The following ABCA1 variants were observed in gnomAD, a reference collection of about 807,000 sequenced individuals.
The protein encoded by ABCA1 is ATP binding cassette subfamily A member 1.
ABCA1 carries 133 observed loss-of-function variants against 262.5 expected under a neutral mutation model. That is an observed-to-expected ratio of 0.51 (90% confidence interval 0.44 to 0.59). The LOEUF (loss-of-function observed/expected upper bound fraction) is 0.59. Among genes scored for constraint, ABCA1 ranks in the 20% least tolerant of loss-of-function variants. The probability of loss-of-function intolerance (pLI) is 0.00; values close to 1 mark genes in which losing one functional copy is unlikely to be tolerated. For missense variants in ABCA1, 2,452 were observed against 2,777.5 expected (o/e 0.88, Z 2.63); for synonymous variants, 1,022 against 1,043.5 (o/e 0.98, Z 0.40).
At chr9:104,903,804 C>T in intron 1 of ABCA1, 33 bp from the exon 2 acceptor site, 1 of 896,318 alleles carries the variant, frequency 1.1e-6, no homozygotes, top group Admixed American at 2.0e-5. Flanking sequence ...AAACAGCCAT[C>T]AGTTATTGCT....
Position 104,809,457 on chromosome 9 carries a change from G to A in ABCA1, c.4274+9C>T. 1 of 1,613,790 alleles carries A rather than the reference G, an allele frequency of 6.2e-7. No individual in the cohort carries two copies. The highest frequency in any genetic ancestry group is 8.5e-7 in the Non-Finnish European group (1 of 1,179,680). Reference sequence around the variant, plus strand: ...CAAGAAGCCTGCTTATGGCTAAAGTGGCACTCACGGGATTGGGTTTCCTTC... The same window carrying A: ...CAAGAAGCCTGCTTATGGCTAAAGTAGCACTCACGGGATTGGGTTTCCTTC... On this transcript the variant is annotated intron_variant, in intron 30 of 49. Transcript: ENST00000374736.
chr9:104,903,868 C>T (rs1472497061), intron 1 of ABCA1, 97 bp from the exon 2 acceptor site: 1 of 639,982 alleles, frequency 1.6e-6, no homozygotes, highest in African/African-American at 1.8e-5. Context: ...GCTGAGACCT[C>T]CAACACACAG....
intron 7 of ABCA1, among the ~76,000 whole-genome samples, chr9:104,846,986 C>G (rs1160352608): frequency 6.6e-6 from 1 of 152,152 alleles, no homozygotes; most frequent in Non-Finnish European, 1.5e-5. Context: ...AAAACTATTA[C>G]AAACACAAAC....
intron 32 of ABCA1, among the ~76,000 whole-genome samples, chr9:104,803,830 C>G (rs112397456): frequency 0.027 from 4,108 of 152,272 alleles, 196 homozygotes; most frequent in African/African-American, 0.094. Flanking sequence ...TGGTCTCAAA[C>G]TCCTGACCTC....
intron 9 of ABCA1, 82 bp downstream of exon 9, chr9:104,840,187 CTGCTACAGAG>C: frequency 6.2e-7 from 1 of 1,605,298 alleles, no homozygotes; most frequent in South Asian, 1.1e-5. Context: ...ACATCTAACG[CTGCTACAGAG>C]GGAGGAGATG....
At chr9:104,839,631 C>G (rs1834187262) in intron 9 of ABCA1, among the ~76,000 whole-genome samples, 1 of 149,942 alleles carries the variant, frequency 6.7e-6, no homozygotes, top group African/African-American at 2.5e-5. Flanking sequence ...TTTAAAAATG[C>G]TTTTCTAGCT....
At chr9:104,856,734 C>T (rs1835871466) in intron 7 of ABCA1, among the ~76,000 whole-genome samples, 1 of 152,196 alleles carries the variant, frequency 6.6e-6, no homozygotes. Context: ...GAACAAATTA[C>T]AATGTCTTCT....
intron 25 of ABCA1, 27 bp from the exon 26 acceptor site, chr9:104,814,502 T>C (rs776155808): frequency 2.4e-5 from 38 of 1,609,090 alleles, no homozygotes; most frequent in Admixed American, 5.0e-5. Flanking sequence ...ATGAGAACAT[T>C]ATAAGCACCA....
At chr9:104,913,122 A>G (rs1841601883) in intron 1 of ABCA1, among the ~76,000 whole-genome samples, 1 of 152,194 alleles carries the variant, frequency 6.6e-6, no homozygotes, top group African/African-American at 2.4e-5. Context: ...CCCAACCTGA[A>G]GGATTTATAT....
intron 7 of ABCA1, chr9:104,855,368 T>C (rs1196889283): frequency 5.8e-6 from 1 of 171,280 alleles, no homozygotes; most frequent in East Asian, 1.9e-4. Context: ...GCCTGGCAAA[T>C]ATGTGTATTT....
At chr9:104,834,873 C>A (rs944883323) in intron 11 of ABCA1, among the ~76,000 whole-genome samples, 7 of 152,154 alleles carry the variant, frequency 4.6e-5, no homozygotes, top group Non-Finnish European at 5.9e-5. Flanking sequence ...GCAGAAGCCT[C>A]AGCCATCACC....
intron 3 of ABCA1, among the ~76,000 whole-genome samples, chr9:104,886,079 T>G (rs1258467678): frequency 6.6e-6 from 1 of 152,184 alleles, no homozygotes; most frequent in Non-Finnish European, 1.5e-5. Context: ...CAAAGCGTTT[T>G]TGCAGAGTGC....
intron 9 of ABCA1, among the ~76,000 whole-genome samples, chr9:104,837,859 G>A (rs969765895): frequency 1.7e-4 from 26 of 152,166 alleles, no homozygotes; most frequent in African/African-American, 5.8e-4. Context: ...GATAACTCAC[G>A]ACTGAGCTGA....
intron 1 of ABCA1, chr9:104,927,678 T>G (rs1826459862): frequency 6.6e-6 from 1 of 150,608 alleles, no homozygotes; most frequent in South Asian, 2.1e-4. Context: ...TGCGCCCGGG[T>G]CTCCACGCCC....
intron 2 of ABCA1, among the ~76,000 whole-genome samples, chr9:104,896,479 C>T (rs1387253401): frequency 2.6e-5 from 4 of 152,060 alleles, no homozygotes; most frequent in African/African-American, 4.8e-5. Flanking sequence ...CTTAAAATAG[C>T]GATAGGGTAC....
chr9:104,904,287 C>A (rs1005004225), intron 1 of ABCA1, among the ~76,000 whole-genome samples: 1 of 152,136 alleles, frequency 6.6e-6, no homozygotes, highest in Admixed American at 6.5e-5. Flanking sequence ...AAAGCACCAT[C>A]GGCCAGGCGT....
At chr9:104,806,478 C>T in intron 30 of ABCA1, 48 bp from the exon 31 acceptor site, 6 of 1,588,798 alleles carry the variant, frequency 3.8e-6, no homozygotes, top group Non-Finnish European at 4.3e-6. Flanking sequence ...ATGGCCTGGC[C>T]TTTCTGTTGC....
At chr9:104,799,394 TCACACACA>T (rs3983647) in intron 36 of ABCA1, 6,228 of 552,860 alleles carry the variant, frequency 0.011, 75 homozygotes, top group East Asian at 0.075. Context: ...GCTTTAAACT[TCACACACA>T]CACACACACA....
chr9:104,842,213 C>T (rs1834439648), intron 8 of ABCA1, among the ~76,000 whole-genome samples: 3 of 152,188 alleles, frequency 2.0e-5, no homozygotes, highest in Admixed American at 2.0e-4. Flanking sequence ...GCATCTAGCA[C>T]ACTCCACAAG....
Sources: allele counts gnomAD v4.1 joint callset (sites outside exome capture counted in the v4.1 genomes callset), GRCh38; gene constraint gnomAD v4.1.1; transcripts MANE v1.5; gene names NCBI Gene and HGNC (gene_info 2026-07-23, HGNC 2026-07-21).